HOXD11: variants seen among roughly 807,000 people sequenced by gnomAD.
HOXD11 encodes the protein homeobox D11.
HOXD11 carries 16 observed loss-of-function variants against 23.1 expected under a neutral mutation model. The observed-to-expected ratio is 0.69, with a 90% CI of 0.47 to 1.05. The LOEUF is 1.05. Ranked by LOEUF, HOXD11 falls within the 50% of genes least tolerant of loss-of-function variation. The pLI is 0.00. For missense variants in HOXD11, 564 were observed against 495.6 expected, an observed-to-expected ratio of 1.14 and a Z score of -1.31; for synonymous variants, 262 against 224.4, an observed-to-expected ratio of 1.17 and a Z score of -1.50.
At chr2:176,110,451 A>C (rs986892387), downstream of HOXD11, among the ~76,000 whole-genome samples, 1 of 152,244 alleles carries the variant, frequency 6.6e-6, no homozygotes, top group African/African-American at 2.4e-5. Flanking sequence ...AGTGAATCTT[A>C]TGAGTCTTAA....
chr2:176,107,908 G>T lies in HOXD11; in HGVS notation c.553G>T (p.Ala185Ser). The T allele has an allele frequency of 7.0e-7, 1 of 1,436,814 alleles. No homozygotes were observed. The allele number at this position is 1,436,814 out of a possible 1,614,324, so 89.0% of individuals were successfully genotyped here. A position where few individuals can be genotyped will look rare whatever the true frequency, so the allele number is the denominator to read the frequency against. ...GGGCTTCGACCAGTTCTACGAGGCA[G>T]CGCCCGGGCCCCCGTTCGCCGGGCC... Reference protein sequence around the residue: ...PQGFDQFYEAAPGPPFAGPQP... With the variant: ...PQGFDQFYEASPGPPFAGPQP... Residue 185 changes from alanine to serine, a missense_variant, in exon 1 of 2, where the codon GCG (alanine) becomes TCG (serine). By Grantham distance (99) the Ala-to-Ser change is moderately conservative. Coordinates refer to ENST00000249504, the MANE Select transcript of HOXD11 (RefSeq NM_021192.3).
downstream of HOXD11, among the ~76,000 whole-genome samples, chr2:176,112,915 A>T (rs711817): frequency 0.072 from 10,905 of 152,232 alleles, 1,249 homozygotes; most frequent in African/African-American, 0.24. Flanking sequence ...CCCCCATCTT[A>T]CAAAGTGTGT....
At chr2:176,110,899 C>T (rs1689664027), downstream of HOXD11, among the ~76,000 whole-genome samples, 1 of 152,218 alleles carries the variant, frequency 6.6e-6, no homozygotes, top group African/African-American at 2.4e-5. Context: ...TGCCTTCTAG[C>T]TGCTTTCACT....
Position 176,107,371 on chromosome 2 carries a change from G to C in HOXD11, c.16G>C (p.Glu6Gln). MNDFD[E>Q]CGQSAASMYL... is the part of the protein sequence containing the mutation. ...CCGCGGAGTCATGAACGACTTTGAC[G>C]AGTGCGGCCAGAGCGCAGCCAGCAT... The change falls in exon 1 of 2, where the codon GAG (glutamate) becomes CAG (glutamine). Residue 6 changes from glutamate (E) to glutamine (Q), a missense_variant. Physicochemically the swap from Glu to Gln is conservative, Grantham distance 29. Transcript: ENST00000249504. 6.2e-7 allele frequency: 1 copy of C among 1,607,936 alleles called. No homozygotes were observed. The highest frequency in any genetic ancestry group is 8.5e-7 in the Non-Finnish European group (1 of 1,177,612).
At chr2:176,109,855 C>G (rs1024926655), downstream of HOXD11, 5 of 158,054 alleles carry the variant, frequency 3.2e-5, no homozygotes, top group African/African-American at 7.2e-5. Flanking sequence ...TGTGACCAAG[C>G]AATGCTGGCG....
the HOXD11 span, among the ~76,000 whole-genome samples, chr2:176,114,795 C>T: frequency 6.6e-6 from 1 of 152,242 alleles, no homozygotes; most frequent in Non-Finnish European, 1.5e-5. Context: ...AATTTACCCA[C>T]AAGTTCAGTC....
At chr2:176,115,532 C>T in the HOXD11 span, among the ~76,000 whole-genome samples, 2 of 152,134 alleles carry the variant, frequency 1.3e-5, no homozygotes, top group Non-Finnish European at 2.9e-5. Flanking sequence ...AGTATCTTCC[C>T]GTGTGTGGCA....
chr2:176,107,676 C>CGCG lies in HOXD11; in HGVS notation c.339_341dup (p.Ala120dup), dbSNP rs976186112. 68 of 987,940 alleles carry CGCG rather than the reference C, an allele frequency of 6.9e-5. No homozygotes were observed. Among genetic ancestry groups the CGCG allele is most frequent in the African/African-American group, 1.2e-4 (7 of 56,454 alleles). The allele number at this position is 987,940 out of a possible 1,614,324, so 61.2% of individuals were successfully genotyped here. ...GCGCGGGGGGCTACGCTCCCTACTA[C>CGCG]GCGGCGGCGGCGGCGGCGGCTGCGG... On this transcript the variant is annotated inframe_insertion, in exon 1 of 2. Transcript: ENST00000249504.
chr2:176,111,468 T>C (rs933923725), downstream of HOXD11: 2 of 151,756 alleles, frequency 1.3e-5, no homozygotes, highest in Non-Finnish European at 2.9e-5. Flanking sequence ...TGTCCAACAC[T>C]GGATTCTAAT....
At chr2:176,113,072 C>A (rs569306353), downstream of HOXD11, among the ~76,000 whole-genome samples, 2 of 152,124 alleles carry the variant, frequency 1.3e-5, no homozygotes, top group African/African-American at 4.8e-5. Flanking sequence ...CTGGATAGAC[C>A]CCTTATTGCA....
chr2:176,107,402 T>C lies in HOXD11; in HGVS notation c.47T>C (p.Leu16Pro), dbSNP rs1689591539. The change falls in exon 1 of 2, where the codon CTG becomes CCG. Residue 16 changes from leucine (L) to proline (P), a missense_variant. By Grantham distance (98) the Leu-to-Pro change is moderately conservative (BLOSUM62 -3). Coordinates refer to ENST00000249504, the MANE Select transcript of HOXD11 (RefSeq NM_021192.3). ...GGCCAGAGCGCAGCCAGCATGTACC[T>C]GCCGGGCTGCGCCTACTATGTGGCC... ...ECGQSAASMY[L>P]PGCAYYVAPS... 1.2e-6 allele frequency: 2 copies of C among 1,613,344 alleles called. No individual in the cohort carries two copies. Among genetic ancestry groups the C allele is most frequent in the Admixed American group, 3.3e-5 (2 of 59,962 alleles).
Position 176,107,448 on chromosome 2 carries a change from G to C in HOXD11, c.93G>C (p.Lys31Asn). 2 of 1,614,006 alleles carry C rather than the reference G, an allele frequency of 1.2e-6. No homozygotes were observed. Among genetic ancestry groups the C allele is most frequent in the Non-Finnish European group, 1.7e-6 (2 of 1,179,936 alleles). ...YYVAPSDFAS[K>N]PSFLSQPSSC... ...TGGCCCCGTCTGACTTCGCTAGCAAGCCTTCGTTCCTTTCCCAACCGTCGT... is the reference window on the plus strand; with the variant it reads ...TGGCCCCGTCTGACTTCGCTAGCAACCCTTCGTTCCTTTCCCAACCGTCGT... Residue 31 changes from lysine (K) to asparagine (N), a missense_variant, in exon 1 of 2, where the codon AAG becomes AAC. By Grantham distance (94) the Lys-to-Asn change is moderately conservative. Transcript: ENST00000249504.
downstream of HOXD11, among the ~76,000 whole-genome samples, chr2:176,110,598 A>C (rs541228522): frequency 6.6e-6 from 1 of 152,352 alleles, no homozygotes; most frequent in Admixed American, 6.5e-5. Context: ...TAAGTGCATA[A>C]ATGTATGCCT....
In HOXD11 at chr2:176,109,048, G is replaced by C. The variant is rs751084204; in HGVS notation, c.923G>C (p.Arg308Pro). 1.2e-5 allele frequency: 20 copies of C among 1,613,914 alleles called. No individual in the cohort carries two copies. Among genetic ancestry groups the C allele is most frequent in the African/African-American group, 5.3e-5 (4 of 74,898 alleles). The change falls in exon 2 of 2, where the codon CGG becomes CCG. Residue 308 changes from arginine (R) to proline (P), a missense_variant. Physicochemically the swap from Arg to Pro is moderately radical, Grantham distance 103. Transcript: ENST00000249504. ...QLSRMLNLTD[R>P]QVKIWFQNRR... ...TCTCGGATGCTCAACCTCACTGACC[G>C]GCAAGTCAAAATCTGGTTCCAGAAT... is the stretch of plus-strand genomic sequence containing the variant.
At chr2:176,111,838 A>C (rs948467477), downstream of HOXD11, among the ~76,000 whole-genome samples, 3 of 147,902 alleles carry the variant, frequency 2.0e-5, no homozygotes, top group Non-Finnish European at 4.5e-5. Context: ...AAAAAAAAAA[A>C]AAAAAAAAAA....
chr2:176,108,659 C>CTCTCTGTGTG (rs1317895150), intron 1 of HOXD11: 2 of 325,008 alleles, frequency 6.2e-6, no homozygotes, highest in Non-Finnish European at 1.1e-5. Flanking sequence ...GTGCCAGGCT[C>CTCTCTGTGTG]TGTGTGTGTG....
chr2:176,114,475 ATGT>A (rs1243707001), downstream of HOXD11, among the ~76,000 whole-genome samples: 16 of 152,202 alleles, frequency 1.1e-4, no homozygotes, highest in Non-Finnish European at 2.4e-4. Flanking sequence ...CCTGACAATG[ATGT>A]TGTATTTGAA....
Position 176,107,506 on chromosome 2 carries a change from C to G in HOXD11, c.151C>G (p.Leu51Val), listed in dbSNP as rs915506337. 4 of 1,613,690 alleles carry G rather than the reference C, an allele frequency of 2.5e-6. No individual in the cohort carries two copies. Among genetic ancestry groups the G allele is most frequent in the Admixed American group, 3.3e-5 (2 of 60,004 alleles). ...GATGACTTTCCCCTACTCTTCCAACCTGGCTCCGCACGTCCAGCCCGTGCG... is the reference window on the plus strand; with the variant it reads ...GATGACTTTCCCCTACTCTTCCAACGTGGCTCCGCACGTCCAGCCCGTGCG... ...CQMTFPYSSN[L>V]APHVQPVREV... Residue 51 changes from leucine to valine, a missense_variant, in exon 1 of 2, where the codon CTG (leucine) becomes GTG (valine). Coordinates refer to ENST00000249504, the MANE Select transcript of HOXD11 (RefSeq NM_021192.3).
At chr2:176,114,388 T>C (rs560189371), downstream of HOXD11, among the ~76,000 whole-genome samples, 1 of 152,196 alleles carries the variant, frequency 6.6e-6, no homozygotes, top group East Asian at 1.9e-4. Flanking sequence ...CAGCCACCCC[T>C]GTGGAAAGGT....
Sources: gnomAD v4.1 joint callset for allele counts (sites outside exome capture counted in the v4.1 genomes callset) on GRCh38, gnomAD v4.1.1 for gene constraint, MANE v1.5 for transcripts, NCBI Gene and HGNC (gene_info 2026-07-23, HGNC 2026-07-21) for gene names.